PPFIA2: variants seen among roughly 807,000 people sequenced by gnomAD.
PPFIA2 encodes the protein liprin-alpha-2.
Under a neutral mutation model 175.5 loss-of-function variants are expected in PPFIA2, and 46 were observed. That is an observed-to-expected ratio of 0.26 (90% CI 0.21 to 0.34). PPFIA2 has a LOEUF of 0.34. PPFIA2 is among the 10% of genes least tolerant of loss of function. The pLI is 1.00. For synonymous variants in PPFIA2, 568 were observed against 511.4 expected (o/e 1.11, Z -1.49); for missense variants, 1,179 against 1,506.1 (o/e 0.78, Z 3.60).
At chr12:81,308,459 G>C (rs2049901822) in intron 22 of PPFIA2, among the ~76,000 whole-genome samples, 1 of 152,136 alleles carries the variant, frequency 6.6e-6, no homozygotes, top group South Asian at 2.1e-4. Context: ...ATCAGAATTT[G>C]AACCCCAATA....
chr12:81,433,787 T>C (rs1414291370), intron 7 of PPFIA2, among the ~76,000 whole-genome samples: 2 of 152,100 alleles, frequency 1.3e-5, no homozygotes, highest in Non-Finnish European at 2.9e-5. Flanking sequence ...GAAATAAATA[T>C]AAAGGAGAGA....
At chr12:81,660,294 C>A (rs545501079) in intron 4 of PPFIA2, among the ~76,000 whole-genome samples, 1 of 152,030 alleles carries the variant, frequency 6.6e-6, no homozygotes, top group East Asian at 1.9e-4. Context: ...AGTTAAAAAC[C>A]TTGAAAAAAG....
chr12:81,479,715 T>G (rs965512298), intron 4 of PPFIA2, among the ~76,000 whole-genome samples: 2 of 152,228 alleles, frequency 1.3e-5, no homozygotes, highest in African/African-American at 4.8e-5. Flanking sequence ...AAATCTGGGT[T>G]GAAAATTCTT....
chr12:81,273,560 G>C (rs940222747), intron 28 of PPFIA2, among the ~76,000 whole-genome samples: 2 of 152,098 alleles, frequency 1.3e-5, no homozygotes, highest in Non-Finnish European at 2.9e-5. Context: ...CAATCTATCA[G>C]AAGTAGAAGT....
At chr12:81,415,703 C>CAA (rs60269234) in intron 7 of PPFIA2, among the ~76,000 whole-genome samples, 1,925 of 137,146 alleles carry the variant, frequency 0.014, 17 homozygotes, top group Non-Finnish European at 0.023. Flanking sequence ...ATTCCAATAG[C>CAA]AAAAAAAAAA....
At chr12:81,437,484 C>T (rs780652322) in intron 7 of PPFIA2, among the ~76,000 whole-genome samples, 8 of 152,138 alleles carry the variant, frequency 5.3e-5, no homozygotes, top group Admixed American at 2.0e-4. Context: ...CCACCCGCCT[C>T]GGCCTCCCAA....
intron 4 of PPFIA2, among the ~76,000 whole-genome samples, chr12:81,486,448 T>C (rs910967506): frequency 2.6e-5 from 4 of 151,932 alleles, no homozygotes; most frequent in African/African-American, 7.2e-5. Context: ...ATAAAACATT[T>C]AAAAACATAG....
intron 3 of PPFIA2, among the ~76,000 whole-genome samples, chr12:81,709,545 A>C (rs2077624347): frequency 6.6e-6 from 1 of 151,970 alleles, no homozygotes; most frequent in African/African-American, 2.4e-5. Flanking sequence ...TAGACTCACA[A>C]ATAAATATAT....
At position 81,595,829 on chromosome 12, in the gene PPFIA2, C is replaced by T. The variant is rs184474577; in HGVS notation, c.303+80962G>A. 2.0e-5 allele frequency among the ~76,000 whole-genome samples: 3 copies of T among 152,150 alleles called. No homozygotes were observed. The East Asian group carries it at 5.8e-4, about 29-fold the overall frequency. On this transcript the variant is annotated intron_variant, in intron 4 of 32. Transcript: ENST00000549396. ...ATGACAGGATAGTTTGGATGTTTAA[C>T]GAGAATATGGAGCTAAAACACAGTA...
chr12:81,544,361 G>T (rs1456406535), intron 4 of PPFIA2, among the ~76,000 whole-genome samples: 2 of 152,134 alleles, frequency 1.3e-5, no homozygotes, highest in African/African-American at 4.8e-5. Context: ...AATGTGCTCA[G>T]GCAGCATGGT....
chr12:81,520,850 AGAGT>A (rs2063032440), intron 4 of PPFIA2, among the ~76,000 whole-genome samples: 3 of 152,182 alleles, frequency 2.0e-5, no homozygotes, highest in Admixed American at 6.5e-5. Context: ...GAGGAGAGAG[AGAGT>A]AAGTAGGCAG....
At chr12:81,396,180 T>A (rs1250487591) in intron 8 of PPFIA2, among the ~76,000 whole-genome samples, 2 of 152,080 alleles carry the variant, frequency 1.3e-5, no homozygotes, top group African/African-American at 4.8e-5. Flanking sequence ...GATATTTATT[T>A]CTTATTCTTG....
intron 4 of PPFIA2, among the ~76,000 whole-genome samples, chr12:81,656,913 G>A (rs1419609166): frequency 1.3e-5 from 2 of 151,866 alleles, no homozygotes. Flanking sequence ...CTATTATGTG[G>A]TATTCTGGAA....
At chr12:81,521,245 ATCAAGG>A (rs1332817270) in intron 4 of PPFIA2, among the ~76,000 whole-genome samples, 1 of 151,986 alleles carries the variant, frequency 6.6e-6, no homozygotes, top group Non-Finnish European at 1.5e-5. Context: ...CTACCAAAAG[ATCAAGG>A]TGAGTTTTGA....
intron 9 of PPFIA2, among the ~76,000 whole-genome samples, chr12:81,376,148 A>G (rs1595786873): frequency 6.6e-6 from 1 of 152,210 alleles, no homozygotes; most frequent in Non-Finnish European, 1.5e-5. Flanking sequence ...TCGGTTAACC[A>G]AAAGCTTTCT....
At chr12:81,567,850 A>C (rs2071659305) in intron 4 of PPFIA2, among the ~76,000 whole-genome samples, 1 of 152,212 alleles carries the variant, frequency 6.6e-6, no homozygotes, top group Non-Finnish European at 1.5e-5. Flanking sequence ...CTAGTGAATT[A>C]TTGAACCTCG....
chr12:81,517,148 C>T (rs1440481078), intron 4 of PPFIA2, among the ~76,000 whole-genome samples: 1 of 139,962 alleles, frequency 7.1e-6, no homozygotes, highest in Non-Finnish European at 1.5e-5. Context: ...TTGTTCAGAG[C>T]TCTAGTAGAA....
intron 4 of PPFIA2, among the ~76,000 whole-genome samples, chr12:81,662,637 T>A (rs2069157899): frequency 1.3e-5 from 2 of 152,210 alleles, no homozygotes; most frequent in South Asian, 4.1e-4. Context: ...GAGGAGCTGG[T>A]ACCATTCCAT....
chr12:81,723,963 G>A (rs1458326927), intron 3 of PPFIA2, among the ~76,000 whole-genome samples: 2 of 150,562 alleles, frequency 1.3e-5, no homozygotes, highest in Non-Finnish European at 3.0e-5. Flanking sequence ...GTACATTTTG[G>A]GATATTTCAA....
Sources: allele counts gnomAD v4.1 joint callset (sites outside exome capture counted in the v4.1 genomes callset), GRCh38; gene constraint gnomAD v4.1.1; transcripts MANE v1.5; gene names NCBI Gene and HGNC (gene_info 2026-07-23, HGNC 2026-07-21).